ROBO2: variants seen among roughly 807,000 people sequenced by gnomAD.
ROBO2 encodes the protein roundabout guidance receptor 2.
In ROBO2, 53 loss-of-function variants were observed where a neutral mutation model predicts 160.8. The observed-to-expected ratio is 0.33, with a 90% CI of 0.26 to 0.41. The LOEUF (loss-of-function observed/expected upper bound fraction) is 0.41, where lower values mean the gene tolerates loss of function less well. Among genes scored for constraint, ROBO2 ranks in the 10% least tolerant of loss-of-function variants. ROBO2 has a pLI of 1.00. For missense variants in ROBO2, 1,577 were observed against 1,722.4 expected (o/e 0.92, Z 1.49); for synonymous variants, 664 against 611.7 (o/e 1.09, Z -1.26).
chr3:77,179,653 T>C (rs2080507558), intron 2 of ROBO2, among the ~76,000 whole-genome samples: 2 of 152,310 alleles, frequency 1.3e-5, no homozygotes, highest in African/African-American at 4.8e-5. Context: ...TTGCTATCTA[T>C]GTCCCGTTTC....
intron 2 of ROBO2, among the ~76,000 whole-genome samples, chr3:77,108,165 CATATGTATACACATATGCATAT>C (rs71104651): frequency 1.6e-4 from 22 of 136,262 alleles, no homozygotes; most frequent in East Asian, 4.4e-4. Context: ...TTTATATATA[CATATGTATACACATATGCATAT>C]ATATGTATAC....
At position 76,911,498 on chromosome 3, in the gene ROBO2, G is replaced by A. The variant is rs148363128; in HGVS notation, c.110-186516G>A. On this transcript the variant is annotated intron_variant, in intron 2 of 26. Coordinates refer to the ROBO2 transcript ENST00000487694. ...GCAAACCTAGTAATGATCAAGTGAT[G>A]AAGAAACTATCAAGGCTACACAAAA... 1.4e-4 allele frequency among the ~76,000 whole-genome samples: 21 copies of A among 152,236 alleles called. No individual in the cohort carries two copies. In the East Asian group the frequency reaches 4.1e-3, roughly 30 times the overall value.
chr3:76,998,223 A>G (rs1378335991), intron 2 of ROBO2, among the ~76,000 whole-genome samples: 1 of 152,152 alleles, frequency 6.6e-6, no homozygotes, highest in East Asian at 1.9e-4. Flanking sequence ...TGGAGGACAA[A>G]TTGATTGATA....
intron 2 of ROBO2, among the ~76,000 whole-genome samples, chr3:76,863,831 A>T (rs1458243421): frequency 6.6e-6 from 1 of 152,062 alleles, no homozygotes; most frequent in Non-Finnish European, 1.5e-5. Context: ...ACAATGATAA[A>T]CTTTATCTCA....
At chr3:76,861,625 A>G (rs2070788107) in intron 2 of ROBO2, among the ~76,000 whole-genome samples, 1 of 152,176 alleles carries the variant, frequency 6.6e-6, no homozygotes, top group South Asian at 2.1e-4. Context: ...TCAAATCTTC[A>G]TTTCCAATCC....
intron 2 of ROBO2, among the ~76,000 whole-genome samples, chr3:76,327,385 A>C (rs1472876044): frequency 6.6e-6 from 1 of 152,120 alleles, no homozygotes; most frequent in African/African-American, 2.4e-5. Flanking sequence ...CTTGATATAC[A>C]TTTTAAAGTA....
chr3:77,160,590 GTTCTA>G (rs2078398297), intron 2 of ROBO2, among the ~76,000 whole-genome samples: 1 of 152,232 alleles, frequency 6.6e-6, no homozygotes, highest in East Asian at 1.9e-4. Flanking sequence ...GAATTATTCT[GTTCTA>G]TAAACTGATA....
intron 2 of ROBO2, among the ~76,000 whole-genome samples, chr3:76,257,443 A>C (rs1706469823): frequency 6.6e-6 from 1 of 152,136 alleles, no homozygotes; most frequent in Non-Finnish European, 1.5e-5. Flanking sequence ...GCATTGACTA[A>C]ATAGAGAATA....
chr3:76,453,424 G>T lies in ROBO2; in HGVS notation c.109+515822G>T, dbSNP rs554095091. 3.3e-3 allele frequency among the ~76,000 whole-genome samples: 501 copies of T among 152,176 alleles called. 2 individuals carry two copies. The highest frequency in any genetic ancestry group is 5.7e-3 in the Non-Finnish European group (389 of 67,974). On this transcript the variant is annotated intron_variant, in intron 2 of 26. Transcript: ENST00000487694. ...AGCCAGTTTTCCCAGCACCATTTAT[G>T]AAATAGGGAATCCTTTCCCCATTGC...
intron 2 of ROBO2, among the ~76,000 whole-genome samples, chr3:77,141,061 G>C (rs539574324): frequency 1.7e-4 from 26 of 152,256 alleles, no homozygotes; most frequent in African/African-American, 6.0e-4. Flanking sequence ...TTCCAAGAAA[G>C]TTATGACCCA....
intron 2 of ROBO2, among the ~76,000 whole-genome samples, chr3:76,373,269 C>T (rs1037511761): frequency 6.6e-6 from 1 of 151,910 alleles, no homozygotes; most frequent in African/African-American, 2.4e-5. Context: ...AAGAGCTCTG[C>T]TTTTTCTAAC....
intron 2 of ROBO2, among the ~76,000 whole-genome samples, chr3:76,475,230 T>C (rs1359599975): frequency 6.6e-6 from 1 of 152,018 alleles, no homozygotes; most frequent in East Asian, 1.9e-4. Flanking sequence ...GGCATGGAAA[T>C]GTCTGTGGTA....
intron 2 of ROBO2, among the ~76,000 whole-genome samples, chr3:76,143,567 A>G (rs13068823): frequency 0.74 from 112,733 of 151,932 alleles, 46,572 homozygotes; most frequent in Non-Finnish European, 0.94. Context: ...ACAGAAAAAC[A>G]GTCACTAGTG....
At chr3:76,241,976 TATAA>T (rs1290723212) in intron 2 of ROBO2, among the ~76,000 whole-genome samples, 1 of 152,302 alleles carries the variant, frequency 6.6e-6, no homozygotes, top group Middle Eastern at 3.4e-3. Flanking sequence ...TGTCAGATAC[TATAA>T]ATAAAGTATG....
intron 2 of ROBO2, among the ~76,000 whole-genome samples, chr3:76,224,197 T>C (rs1192208602): frequency 6.6e-6 from 1 of 152,156 alleles, no homozygotes; most frequent in African/African-American, 2.4e-5. Flanking sequence ...GAAGAAAATT[T>C]TGAGAATGAG....
intron 2 of ROBO2, among the ~76,000 whole-genome samples, chr3:76,440,499 G>C (rs944458537): frequency 2.0e-5 from 3 of 152,016 alleles, no homozygotes; most frequent in Non-Finnish European, 4.4e-5. Context: ...CAGGGGAATA[G>C]AGAAGTAGAA....
At chr3:76,933,841 T>G (rs11127569) in intron 2 of ROBO2, among the ~76,000 whole-genome samples, 25,932 of 152,194 alleles carry the variant, frequency 0.17, 2,517 homozygotes, top group Non-Finnish European at 0.22. Context: ...AACTGCACTC[T>G]AATACTTTCC....
chr3:76,620,860 T>C (rs1403382468), intron 2 of ROBO2, among the ~76,000 whole-genome samples: 1 of 152,114 alleles, frequency 6.6e-6, no homozygotes, highest in African/African-American at 2.4e-5. Context: ...ACTATTGGAG[T>C]AGTATGCACG....
intron 2 of ROBO2, among the ~76,000 whole-genome samples, chr3:76,503,021 C>T (rs2875391): frequency 0.52 from 75,227 of 145,774 alleles, 18,896 homozygotes; most frequent in East Asian, 0.61. Context: ...TGTGTGTGTG[C>T]GCGCGCACGC....
Sources: gnomAD v4.1 joint callset for allele counts (sites outside exome capture counted in the v4.1 genomes callset) on GRCh38, gnomAD v4.1.1 for gene constraint, MANE v1.5 for transcripts, NCBI Gene and HGNC (gene_info 2026-07-23, HGNC 2026-07-21) for gene names.